The following TSPAN16 variants were observed in gnomAD, a reference collection of about 807,000 sequenced individuals.
The protein encoded by TSPAN16 is tetraspanin 16.
Under a neutral mutation model 25.2 loss-of-function variants are expected in TSPAN16, and 23 were observed. That is an observed-to-expected ratio of 0.91 (90% CI 0.66 to 1.29). The LOEUF (loss-of-function observed/expected upper bound fraction) is 1.29. Ranked by LOEUF, TSPAN16 falls within the 50% of genes most tolerant of loss-of-function variation. TSPAN16 has a pLI of 0.00. For synonymous variants in TSPAN16, 123 were observed against 124.4 expected, an observed-to-expected ratio of 0.99 and a Z score of 0.08; for missense variants, 272 against 299.9, an observed-to-expected ratio of 0.91 and a Z score of 0.69.
At position 11,312,227 on chromosome 19, in the gene TSPAN16, GACCCAGCC is replaced by G. The variant is rs2147953218; in HGVS notation, c.687+6_687+13del. The G allele has an allele frequency of 6.2e-7, 1 of 1,606,496 alleles. No homozygotes were observed. Among genetic ancestry groups the G allele is most frequent in the African/African-American group, 1.3e-5 (1 of 74,352 alleles). Reference sequence around the variant, plus strand: ...CTGGGAGCTGCAGTGATACAGGTAAGACCCAGCCTCTCTAGGGTCTTTGAGCTGTTTTA... The same window carrying G: ...CTGGGAGCTGCAGTGATACAGGTAAGTCTCTAGGGTCTTTGAGCTGTTTTA... On this transcript the variant is annotated splice_donor_region_variant and intron_variant, in intron 6 of 6. Transcript: ENST00000590327.
At chr19:11,316,208 T>C (rs796155028), downstream of TSPAN16, among the ~76,000 whole-genome samples, 49 of 147,506 alleles carry the variant, frequency 3.3e-4, no homozygotes, top group African/African-American at 1.2e-3. Context: ...AACCTCCACC[T>C]CCGGGGTTCA....
chr19:11,299,891 C>T (rs1433240631), intron 3 of TSPAN16, among the ~76,000 whole-genome samples: 1 of 151,160 alleles, frequency 6.6e-6, no homozygotes, highest in African/African-American at 2.4e-5. Context: ...GCAGGAGAAT[C>T]ACTTGAACCC....
intron 6 of TSPAN16, chr19:11,324,680 A>C (rs574716481): frequency 6.5e-6 from 1 of 152,818 alleles, no homozygotes; most frequent in East Asian, 1.9e-4. Flanking sequence ...TGAACACAGC[A>C]AAAACAGTGG....
chr19:11,323,100 C>G (rs1465792016), intron 6 of TSPAN16: 1 of 149,462 alleles, frequency 6.7e-6, no homozygotes, highest in African/African-American at 2.5e-5. Flanking sequence ...CGACGAGCGA[C>G]TCTCTGTCTT....
chr19:11,299,207 G>A (rs1400880808), intron 3 of TSPAN16, among the ~76,000 whole-genome samples: 1 of 152,040 alleles, frequency 6.6e-6, no homozygotes, highest in Non-Finnish European at 1.5e-5. Flanking sequence ...TTGAACCCGG[G>A]AGGCAGAGGT....
chr19:11,325,321 TA>T, intron 6 of TSPAN16: 1 of 935,604 alleles, frequency 1.1e-6, no homozygotes, highest in Non-Finnish European at 1.6e-6. Flanking sequence ...AGCTTGGAGA[TA>T]ACCACTGTGG....
chr19:11,312,181 T>C lies in TSPAN16; in HGVS notation c.646T>C (p.Phe216Leu), dbSNP rs2080699149. 6.2e-7 allele frequency: 1 copy of C among 1,612,390 alleles called. No homozygotes were observed. The highest frequency in any genetic ancestry group is 1.3e-5 in the African/African-American group (1 of 74,712). Residue 216 changes from phenylalanine (F) to leucine (L), a missense_variant, in exon 6 of 7, where the codon TTC becomes CTC. Coordinates refer to ENST00000590327, the MANE Select transcript of TSPAN16 (RefSeq NM_001282509.2). ...CCTAAAAATCACCAAGACTCAGAGC[T>C]TCACCCTGAGTGGGAGCTCTCTGGG... ...KLLKITKTQS[F>L]TLSGSSLGAA...
downstream of TSPAN16, among the ~76,000 whole-genome samples, chr19:11,319,738 C>T (rs943808371): frequency 6.6e-6 from 1 of 152,170 alleles, no homozygotes. Flanking sequence ...GGGAGGGGGG[C>T]ACCACCCTTC....
chr19:11,324,061 C>T (rs1055770160), intron 6 of TSPAN16: 1 of 152,140 alleles, frequency 6.6e-6, no homozygotes, highest in East Asian at 1.9e-4. Context: ...CCATCCCCCC[C>T]ATTCACATAA....
intron 6 of TSPAN16, among the ~76,000 whole-genome samples, chr19:11,314,880 C>T (rs139782800): frequency 3.4e-4 from 51 of 152,170 alleles, no homozygotes; most frequent in African/African-American, 8.4e-4. Flanking sequence ...CAAGCCTAAC[C>T]GGAAGTTATG....
rs2080632153 is a variant in TSPAN16 at position 11,306,749 on chromosome 19, A to G, written c.596A>G (p.His199Arg). The change falls in exon 5 of 7, where the codon CAC becomes CGC. Residue 199 changes from histidine to arginine, a missense_variant. By Grantham distance (29) the His-to-Arg change is conservative. Coordinates refer to ENST00000590327, the MANE Select transcript of TSPAN16 (RefSeq NM_001282509.2). Reference sequence around the variant, plus strand: ...CGCGATGTGTCTCCAAACGTCATCCACCAGAAGGTAACTGGAGATTTTGTG... The same window carrying G: ...CGCGATGTGTCTCCAAACGTCATCCGCCAGAAGGTAACTGGAGATTTTGTG... Reference protein sequence around the residue: ...DGRDVSPNVIHQKGCFHKLLK... With the variant: ...DGRDVSPNVIRQKGCFHKLLK... The G allele has an allele frequency of 1.2e-6, 2 of 1,613,556 alleles. No homozygotes were observed. The highest frequency in any genetic ancestry group is 2.7e-5 in the African/African-American group (2 of 74,922).
intron 6 of TSPAN16, chr19:11,325,188 T>C: frequency 1.9e-6 from 1 of 526,440 alleles, no homozygotes; most frequent in Admixed American, 3.2e-5. Flanking sequence ...CAGAGCTGAG[T>C]CCCCATGGTC....
rs1425504210 is a variant in TSPAN16, at chr19:11,301,998, A to AT, written c.450+695dup. On this transcript the variant is annotated intron_variant, in intron 4 of 6. Transcript: ENST00000590327. Reference sequence around the variant, plus strand: ...ACCACCACACCTGGCTAATTTTTGTATTTTTAGTAGAGACGGGGTTTCACC... The same window carrying AT: ...ACCACCACACCTGGCTAATTTTTGTATTTTTTAGTAGAGACGGGGTTTCACC... 2.2e-3 allele frequency among the ~76,000 whole-genome samples: 333 copies of AT among 151,690 alleles called. 2 individuals are homozygous for AT. Among genetic ancestry groups the AT allele is most frequent in the African/African-American group, 7.6e-3 (315 of 41,316 alleles).
intron 3 of TSPAN16, among the ~76,000 whole-genome samples, chr19:11,299,152 G>A (rs150858048): frequency 6.6e-6 from 1 of 151,930 alleles, no homozygotes; most frequent in Admixed American, 6.6e-5. Flanking sequence ...GTGATAGCAC[G>A]CACTTGTAAT....
At chr19:11,316,086 GGTGTGT>G (rs147500274), downstream of TSPAN16, 21 of 257,564 alleles carry the variant, frequency 8.2e-5, no homozygotes, top group Admixed American at 2.2e-4. Flanking sequence ...AATTATTCTT[GGTGTGT>G]GTGTGTGTGT....
downstream of TSPAN16, chr19:11,316,111 GT>G: frequency 3.1e-6 from 1 of 320,630 alleles, no homozygotes; most frequent in African/African-American, 2.8e-5. Context: ...GTGTGTGTGT[GT>G]GTGTGGTTTT....
At chr19:11,319,546 C>G (rs994118859), downstream of TSPAN16, among the ~76,000 whole-genome samples, 1 of 151,800 alleles carries the variant, frequency 6.6e-6, no homozygotes, top group Non-Finnish European at 1.5e-5. Flanking sequence ...TGCAGTGAGC[C>G]GAGATCGCGC....
chr19:11,314,501 G>A (rs2080724956), intron 6 of TSPAN16, among the ~76,000 whole-genome samples: 1 of 151,972 alleles, frequency 6.6e-6, no homozygotes, highest in African/African-American at 2.4e-5. Flanking sequence ...ACCAGTCTGG[G>A]ATATTTATTT....
downstream of TSPAN16, among the ~76,000 whole-genome samples, chr19:11,316,650 G>T (rs530071548): frequency 6.6e-6 from 1 of 152,024 alleles, no homozygotes; most frequent in Admixed American, 6.6e-5. Flanking sequence ...ATACAATGTG[G>T]AATGATTAAA....
Sources: allele counts gnomAD v4.1 joint callset (sites outside exome capture counted in the v4.1 genomes callset), GRCh38; gene constraint gnomAD v4.1.1; transcripts MANE v1.5; gene names NCBI Gene and HGNC (gene_info 2026-07-23, HGNC 2026-07-21).